ACCSL: variants seen among roughly 807,000 people sequenced by gnomAD.
The protein encoded by ACCSL is 1-aminocyclopropane-1-carboxylate synthase homolog (inactive) like.
A neutral mutation model predicts 61.7 loss-of-function variants in ACCSL; 55 were observed. The ratio of observed to expected loss-of-function variants is 0.89; its 90% CI spans 0.72 to 1.12. The LOEUF (loss-of-function observed/expected upper bound fraction) is 1.12. Among genes scored for constraint, ACCSL ranks in the 50% most tolerant of loss-of-function variants. The probability of loss-of-function intolerance (pLI) is 0.00; values close to 1 mark genes in which losing one functional copy is unlikely to be tolerated. For synonymous variants in ACCSL, 258 were observed against 264.3 expected, an observed-to-expected ratio of 0.98 and a Z score of 0.23; for missense variants, 632 against 698.0, an observed-to-expected ratio of 0.91 and a Z score of 1.07.
At chr11:43,994,860 C>A in the ACCSL span, among the ~76,000 whole-genome samples, 4 of 152,164 alleles carry the variant, frequency 2.6e-5, no homozygotes, top group East Asian at 7.7e-4. Context: ...GTCTTAAACT[C>A]CTGAGCTCAA....
the ACCSL span, chr11:43,933,024 G>A: frequency 2.2e-6 from 1 of 454,132 alleles, no homozygotes; most frequent in South Asian, 1.6e-5. Flanking sequence ...GTACTACCTG[G>A]GAAAACCTCT....
At chr11:44,021,821 C>A in the ACCSL span, among the ~76,000 whole-genome samples, 14 of 152,126 alleles carry the variant, frequency 9.2e-5, no homozygotes, top group African/African-American at 3.4e-4. Flanking sequence ...GATCCAGTTT[C>A]ATTTGTCTAC....
the ACCSL span, among the ~76,000 whole-genome samples, chr11:43,933,931 C>A: frequency 6.6e-6 from 1 of 152,156 alleles, no homozygotes; most frequent in Non-Finnish European, 1.5e-5. Context: ...AGCTGGTATC[C>A]CATTGCAGTG....
the ACCSL span, among the ~76,000 whole-genome samples, chr11:43,967,711 T>C: frequency 5.9e-5 from 9 of 152,332 alleles, no homozygotes; most frequent in South Asian, 1.7e-3. Context: ...TACCACACTT[T>C]GCCTTTAGTA....
At chr11:43,923,250 C>G in the ACCSL span, among the ~76,000 whole-genome samples, 1 of 152,310 alleles carries the variant, frequency 6.6e-6, no homozygotes, top group African/African-American at 2.4e-5. Flanking sequence ...CGGGTTCCTG[C>G]CCTGCTGGGA....
the ACCSL span, among the ~76,000 whole-genome samples, chr11:43,989,333 G>A: frequency 6.6e-6 from 1 of 152,228 alleles, no homozygotes; most frequent in Non-Finnish European, 1.5e-5. Context: ...GGTGAGAGGT[G>A]GGTTGCAGAC....
chr11:43,959,881 G>T, the ACCSL span, among the ~76,000 whole-genome samples: 3 of 152,134 alleles, frequency 2.0e-5, no homozygotes, highest in Admixed American at 1.3e-4. Context: ...GAAGCTCTGG[G>T]CTGGACTGTG....
At chr11:43,933,865 CAG>C in the ACCSL span, among the ~76,000 whole-genome samples, 40 of 152,282 alleles carry the variant, frequency 2.6e-4, 2 homozygotes, top group East Asian at 7.4e-3. Context: ...TCCTGGGAGT[CAG>C]GGGTGCCAGG....
the ACCSL span, chr11:43,943,446 C>T: frequency 1.2e-5 from 17 of 1,432,022 alleles, no homozygotes; most frequent in Non-Finnish European, 1.5e-5. The surrounding 1 kb of genome is among the most constrained non-coding windows in gnomAD (Gnocchi z 4.8). Context: ...CGCCCCTCGC[C>T]GCGCTCGCCC....
chr11:43,986,712 T>C, the ACCSL span, among the ~76,000 whole-genome samples: 2 of 152,204 alleles, frequency 1.3e-5, no homozygotes, highest in Non-Finnish European at 2.9e-5. Context: ...AGCCCTTCTC[T>C]CCACCAAAGG....
the ACCSL span, among the ~76,000 whole-genome samples, chr11:44,000,864 CAG>C: frequency 6.6e-6 from 1 of 152,112 alleles, no homozygotes; most frequent in Non-Finnish European, 1.5e-5. Context: ...TTGGTATCCA[CAG>C]GGGATCCTGG....
At chr11:44,023,558 G>T in the ACCSL span, among the ~76,000 whole-genome samples, 1 of 149,748 alleles carries the variant, frequency 6.7e-6, no homozygotes, top group African/African-American at 2.4e-5. Flanking sequence ...TTCTTGGTCA[G>T]TCTAGCTAAA....
the ACCSL span, among the ~76,000 whole-genome samples, chr11:44,023,627 G>T: frequency 7.2e-5 from 10 of 137,948 alleles, no homozygotes; most frequent in East Asian, 2.1e-4. Context: ...GATTTTATCT[G>T]TTTTTTTTTT....
chr11:44,030,614 A>T, the ACCSL span, among the ~76,000 whole-genome samples: 3 of 151,796 alleles, frequency 2.0e-5, no homozygotes, highest in African/African-American at 7.3e-5. Context: ...GTCCCTTGCT[A>T]ATTTATCTGG....
chr11:44,047,696 G>C (rs1049151838), upstream of ACCSL, among the ~76,000 whole-genome samples: 2 of 152,174 alleles, frequency 1.3e-5, no homozygotes, highest in African/African-American at 4.8e-5. Flanking sequence ...AAACAAAGCA[G>C]GAAGTGCTCA....
At chr11:44,055,545 GC>G (rs2134774538) in intron 9 of ACCSL, among the ~76,000 whole-genome samples, 1 of 152,322 alleles carries the variant, frequency 6.6e-6, no homozygotes, top group South Asian at 2.1e-4. Flanking sequence ...CTCATAAAAT[GC>G]CAGGGTAGGA....
At chr11:44,033,552 G>A in the ACCSL span, among the ~76,000 whole-genome samples, 1 of 152,196 alleles carries the variant, frequency 6.6e-6, no homozygotes, top group Admixed American at 6.5e-5. Flanking sequence ...GCCCAGGGCT[G>A]AGGTCATTTG....
chr11:44,051,653 G>A lies in ACCSL; in HGVS notation c.706G>A (p.Val236Met), dbSNP rs200162550. The change falls in exon 5 of 14, where the codon GTG becomes ATG. Residue 236 changes from valine (V) to methionine (M), a missense_variant and splice_region_variant. Coordinates refer to ENST00000378832, the MANE Select transcript of ACCSL (RefSeq NM_001031854.2). ...TCTGCCTCTCATGTGTTGTCTTCAG[G>A]TGGTGGTTCTAAATGGCTGCTGCTC... ...RAPTRLDPEN[V>M]VVLNGCCSVF... The A allele has an allele frequency of 2.1e-4, 334 of 1,614,050 alleles. 1 individual carries two copies. Among genetic ancestry groups the A allele is most frequent in the Middle Eastern group, 1.6e-4 (1 of 6,064 alleles).
the ACCSL span, among the ~76,000 whole-genome samples, chr11:43,982,747 A>G: frequency 6.6e-6 from 1 of 152,150 alleles, no homozygotes; most frequent in African/African-American, 2.4e-5. Context: ...TTGCTGAAGG[A>G]TCTGGAAGTC....
Sources: gnomAD v4.1 joint callset for allele counts (sites outside exome capture counted in the v4.1 genomes callset) on GRCh38, gnomAD v4.1.1 for gene constraint, Gnocchi (gnomAD v3.1) non-coding constraint, MANE v1.5 for transcripts, NCBI Gene and HGNC (gene_info 2026-07-23, HGNC 2026-07-21) for gene names.